SYNE1: variants seen among roughly 807,000 people sequenced by gnomAD.
The protein encoded by SYNE1 is nesprin-1.
SYNE1 carries 616 observed loss-of-function variants against 1,111.0 expected under a neutral mutation model. The observed-to-expected ratio is 0.55, with a 90% CI of 0.52 to 0.59. The LOEUF (loss-of-function observed/expected upper bound fraction) is 0.59, where lower values mean the gene tolerates loss of function less well. SYNE1 is among the 20% of genes least tolerant of loss of function. The pLI is 0.00. For missense variants in SYNE1, 10,006 were observed against 10,417.0 expected (o/e 0.96, Z 1.72); for synonymous variants, 3,855 against 3,825.8 (o/e 1.01, Z -0.28).
chr6:152,594,560 C>A lies in SYNE1; in HGVS notation c.67+33705G>T, dbSNP rs1034703734. ...CAAGAAATTTTATTTTGATGCTACA[C>A]AAGACCCAGCTTATAGGAAACAGGG... On this transcript the variant is annotated intron_variant, in intron 3 of 145. Transcript: ENST00000367255. 4.6e-5 allele frequency among the ~76,000 whole-genome samples: 7 copies of A among 152,302 alleles called. No homozygotes were observed. The East Asian group carries it at 1.3e-3, about 29-fold the overall frequency.
chr6:152,362,073 C>T (rs2096941394), intron 64 of SYNE1, 97 bp downstream of exon 64: 1 of 1,535,104 alleles, frequency 6.5e-7, no homozygotes, highest in Non-Finnish European at 9.0e-7. Context: ...TGCTTATGTG[C>T]ACTGCCCTAG....
At chr6:152,178,628 C>G (rs980233524) in intron 129 of SYNE1, among the ~76,000 whole-genome samples, 1 of 152,074 alleles carries the variant, frequency 6.6e-6, no homozygotes, top group Non-Finnish European at 1.5e-5. Context: ...ATTTATATTT[C>G]TTTTCAGAAT....
chr6:152,202,006 G>C, intron 126 of SYNE1, 57 bp from the exon 127 acceptor site: 1 of 1,598,908 alleles, frequency 6.3e-7, no homozygotes. Flanking sequence ...AAACTGGGGG[G>C]GGAAAAGAAA....
In SYNE1 at chr6:152,450,922, C is replaced by A. The variant is rs987726508; in HGVS notation, c.3187-89G>T. The A allele has an allele frequency of 2.3e-5, 36 of 1,592,430 alleles. 1 individual carries two copies. The Admixed American group carries it at 5.8e-4, about 26-fold the overall frequency. ...CAGAAAAACCAAAGGAAGATTCCCA[C>A]GCAGACTACCAAGGTAGAGTAATTA... On this transcript the variant is annotated intron_variant, in intron 26 of 145. Transcript: ENST00000367255.
rs1314166462 is a variant in SYNE1, at chr6:152,318,148, C to T, written c.16505G>A (p.Gly5502Glu). 6 of 1,614,134 alleles carry T rather than the reference C, an allele frequency of 3.7e-6. No individual in the cohort carries two copies. Among genetic ancestry groups the T allele is most frequent in the South Asian group, 1.1e-5 (1 of 91,086 alleles). Residue 5502 changes from glycine to glutamate, a missense_variant, in exon 86 of 146, where the codon GGA (glycine) becomes GAA (glutamate). Gly to Glu is a moderately conservative substitution (Grantham distance 98). Coordinates refer to ENST00000367255, the MANE Select transcript of SYNE1 (RefSeq NM_182961.4). ...CTGCTGGTGAAGTTCAGTCAGTTTTCCTATCTTCTTGGCCAGTGGCTTACC... is the reference window on the plus strand; with the variant it reads ...CTGCTGGTGAAGTTCAGTCAGTTTTTCTATCTTCTTGGCCAGTGGCTTACC... ...QLGKPLAKKIGKLTELHQQTI... is the reference protein window; with the variant it reads ...QLGKPLAKKIEKLTELHQQTI...
chr6:152,251,621 T>C (rs903004680), intron 104 of SYNE1, among the ~76,000 whole-genome samples: 3 of 150,526 alleles, frequency 2.0e-5, no homozygotes, highest in African/African-American at 7.3e-5. Context: ...TAGCCGGGCG[T>C]AGTGGCGGGC....
intron 3 of SYNE1, among the ~76,000 whole-genome samples, chr6:152,599,655 T>C (rs1004562367): frequency 2.4e-4 from 36 of 152,356 alleles, no homozygotes; most frequent in Non-Finnish European, 4.7e-4. Flanking sequence ...CTGCTCATTA[T>C]GTAACTAAAA....
intron 3 of SYNE1, among the ~76,000 whole-genome samples, chr6:152,579,421 C>T (rs1269248847): frequency 2.6e-5 from 4 of 152,258 alleles, no homozygotes; most frequent in African/African-American, 9.6e-5. Flanking sequence ...GTCTCAGCCA[C>T]AGGCCTGAAT....
At chr6:152,422,759 T>C in intron 39 of SYNE1, among the ~76,000 whole-genome samples, 1 of 152,214 alleles carries the variant, frequency 6.6e-6, no homozygotes, top group East Asian at 1.9e-4. Context: ...TCCCCTCACC[T>C]TGGCCTCCCA....
intron 18 of SYNE1, 22 bp downstream of exon 18, chr6:152,465,236 T>G (rs1403211473): frequency 6.2e-7 from 1 of 1,612,692 alleles, no homozygotes; most frequent in African/African-American, 1.3e-5. Flanking sequence ...ACGTCTTTTC[T>G]TTTTGCATGA....
chr6:152,289,229 T>C (rs368929061), intron 95 of SYNE1, among the ~76,000 whole-genome samples: 21 of 152,230 alleles, frequency 1.4e-4, no homozygotes, highest in African/African-American at 4.3e-4. Flanking sequence ...AGAGATGAAA[T>C]GCATGCTTTT....
chr6:152,322,615 C>G (rs9397096), intron 82 of SYNE1, among the ~76,000 whole-genome samples: 35,196 of 152,052 alleles, frequency 0.23, 4,873 homozygotes, highest in East Asian at 0.66. Context: ...AATGAGTTCT[C>G]AAGCTTCATC....
rs184227907 is a variant in SYNE1, at chr6:152,177,872, T to A, written c.23461-1312A>T. ...TTTGAGTGTTAATACCAACAGACAC[T>A]AATATCTTGGCTTCAATTTTTTTTA... is the stretch of plus-strand genomic sequence containing the variant. On this transcript the variant is annotated intron_variant, in intron 129 of 145. Transcript: ENST00000367255. 2.0e-3 allele frequency among the ~76,000 whole-genome samples: 305 copies of A among 152,332 alleles called. 1 individual carries two copies. The highest frequency in any genetic ancestry group is 3.2e-3 in the Non-Finnish European group (216 of 68,032).
intron 32 of SYNE1, among the ~76,000 whole-genome samples, chr6:152,439,642 T>C (rs1055383979): frequency 5.3e-5 from 8 of 152,192 alleles, no homozygotes; most frequent in Non-Finnish European, 1.2e-4. Context: ...AGTGAGTTTT[T>C]AGGAGAAACA....
chr6:152,304,064 G>A (rs951030104), intron 91 of SYNE1, among the ~76,000 whole-genome samples: 1 of 152,148 alleles, frequency 6.6e-6, no homozygotes, highest in Non-Finnish European at 1.5e-5. Flanking sequence ...TTTAAAACAA[G>A]GATTTAAAAA....
chr6:152,272,554 C>T (rs1473862713), intron 98 of SYNE1, among the ~76,000 whole-genome samples: 1 of 152,160 alleles, frequency 6.6e-6, no homozygotes, highest in Non-Finnish European at 1.5e-5. Flanking sequence ...GAAAAAGACC[C>T]AGCTTCATGA....
intron 137 of SYNE1, chr6:152,146,677 A>G (rs2059569054): frequency 6.6e-6 from 1 of 152,260 alleles, no homozygotes. Context: ...GAAATTCCCC[A>G]GATGTCCTTT....
At chr6:152,180,907 A>G (rs1232465808) in intron 128 of SYNE1, among the ~76,000 whole-genome samples, 2 of 151,584 alleles carry the variant, frequency 1.3e-5, no homozygotes, top group South Asian at 2.1e-4. Flanking sequence ...TTTCATTTTT[A>G]TTTATTTAAT....
At chr6:152,455,657 G>A (rs750614969) in intron 23 of SYNE1, 67 bp from the exon 24 acceptor site, 4 of 1,595,446 alleles carry the variant, frequency 2.5e-6, no homozygotes, top group Non-Finnish European at 3.4e-6. Context: ...TTTTGTTAGA[G>A]GGTATTATTC....
Sources: allele counts gnomAD v4.1 joint callset (sites outside exome capture counted in the v4.1 genomes callset), GRCh38; gene constraint gnomAD v4.1.1; transcripts MANE v1.5; gene names NCBI Gene and HGNC (gene_info 2026-07-23, HGNC 2026-07-21).